Variants in NRXN3 observed in about 807,000 individuals in gnomAD.
NRXN3 encodes the protein neurexin III.
In NRXN3, 32 loss-of-function variants were observed where a neutral mutation model predicts 137.6. That is an observed-to-expected ratio of 0.23 (90% CI 0.18 to 0.31). The LOEUF is 0.31. NRXN3 is among the 10% of genes least tolerant of loss of function. The pLI is 1.00. For synonymous variants in NRXN3, 798 were observed against 784.5 expected (o/e 1.02, Z -0.29); for missense variants, 1,574 against 2,062.5 (o/e 0.76, Z 4.59).
At chr14:78,439,154 G>A (rs1395590884) in intron 4 of NRXN3, among the ~76,000 whole-genome samples, 1 of 152,016 alleles carries the variant, frequency 6.6e-6, no homozygotes, top group African/African-American at 2.4e-5. Context: ...TGGGGTAGAA[G>A]GATCTGAAGA....
intron 15 of NRXN3, among the ~76,000 whole-genome samples, chr14:79,208,436 T>A (rs1330758417): frequency 6.6e-6 from 1 of 152,190 alleles, no homozygotes; most frequent in Non-Finnish European, 1.5e-5. Flanking sequence ...ACAAATAACA[T>A]CTCACACTAA....
At chr14:78,233,688 C>CAAAAAAAA (rs10673907) in intron 1 of NRXN3, among the ~76,000 whole-genome samples, 1 of 117,618 alleles carries the variant, frequency 8.5e-6, no homozygotes, top group Non-Finnish European at 1.8e-5. Flanking sequence ...AAGTATGCTT[C>CAAAAAAAA]AAAAAAAAAA....
intron 15 of NRXN3, among the ~76,000 whole-genome samples, chr14:79,387,811 G>T (rs553786996): frequency 6.6e-6 from 1 of 151,918 alleles, no homozygotes; most frequent in Non-Finnish European, 1.5e-5. Context: ...GTAGCGACAT[G>T]GATGAAGCTG....
chr14:79,824,471 T>C (rs2099285731), intron 20 of NRXN3, among the ~76,000 whole-genome samples: 1 of 152,176 alleles, frequency 6.6e-6, no homozygotes, highest in Admixed American at 6.5e-5. Context: ...TCAGCAGATG[T>C]TGTTTTCCAT....
intron 15 of NRXN3, among the ~76,000 whole-genome samples, chr14:79,421,376 G>T (rs1343597984): frequency 6.6e-6 from 1 of 152,096 alleles, no homozygotes; most frequent in African/African-American, 2.4e-5. Context: ...TAAATGTGCT[G>T]ATTTAACTAA....
intron 16 of NRXN3, among the ~76,000 whole-genome samples, chr14:79,631,631 C>G (rs221484): frequency 6.6e-6 from 1 of 152,024 alleles, no homozygotes; most frequent in African/African-American, 2.4e-5. Context: ...GTGAGTGCCA[C>G]TGAGAGGTGA....
intron 2 of NRXN3, among the ~76,000 whole-genome samples, chr14:78,263,584 C>T (rs952175042): frequency 8.6e-5 from 13 of 152,038 alleles, no homozygotes; most frequent in Non-Finnish European, 5.9e-5. Flanking sequence ...TTTTTCAATT[C>T]AGTTTTATCT....
At chr14:79,577,702 G>A (rs1223737611) in intron 16 of NRXN3, among the ~76,000 whole-genome samples, 2 of 152,188 alleles carry the variant, frequency 1.3e-5, no homozygotes, top group Middle Eastern at 6.3e-3. Context: ...TGTGTCTTCA[G>A]ATACTAAATG....
chr14:79,462,186 C>T (rs1162965147), intron 15 of NRXN3, among the ~76,000 whole-genome samples: 1 of 151,814 alleles, frequency 6.6e-6, no homozygotes, highest in Non-Finnish European at 1.5e-5. Flanking sequence ...CCAGCCTGAC[C>T]AACATGGTGA....
At chr14:79,255,463 T>C (rs182620327) in intron 15 of NRXN3, among the ~76,000 whole-genome samples, 1 of 152,362 alleles carries the variant, frequency 6.6e-6, no homozygotes, top group Admixed American at 6.5e-5. Flanking sequence ...AATCCTACCA[T>C]TTAATCCCTG....
rs551606553 is a variant in NRXN3 at position 79,193,484 on chromosome 14, T to G, written c.3262+205343T>G. ...AGATTATATTGCTGTTGCATTAATC[T>G]TTGTATAAATCATAGTTCTAAGCAC... On this transcript the variant is annotated intron_variant, in intron 15 of 20. Transcript: ENST00000335750. Among the ~76,000 whole-genome samples the G allele has an allele frequency of 1.5e-4, 23 of 152,368 alleles. No homozygotes were observed. The South Asian group carries it at 2.9e-3, about 19-fold the overall frequency.
chr14:78,438,927 C>T (rs929017234), intron 4 of NRXN3, among the ~76,000 whole-genome samples: 6 of 151,746 alleles, frequency 4.0e-5, no homozygotes, highest in East Asian at 1.9e-4. Context: ...ACAAGCTGGA[C>T]GTGCTTGGTG....
chr14:78,776,027 G>T (rs1158915375), intron 8 of NRXN3, among the ~76,000 whole-genome samples: 1 of 152,118 alleles, frequency 6.6e-6, no homozygotes, highest in Non-Finnish European at 1.5e-5. Flanking sequence ...GATTCACCAA[G>T]AACCAATGTT....
intron 19 of NRXN3, among the ~76,000 whole-genome samples, chr14:79,756,387 G>A (rs187971525): frequency 1.2e-4 from 18 of 152,238 alleles, no homozygotes; most frequent in East Asian, 1.9e-4. Context: ...GCTCTGAAGC[G>A]TGATTATTTT....
At chr14:79,592,454 A>T (rs1201024024) in intron 16 of NRXN3, among the ~76,000 whole-genome samples, 3 of 152,170 alleles carry the variant, frequency 2.0e-5, no homozygotes, top group Non-Finnish European at 2.9e-5. Context: ...AATGTTTTTT[A>T]AAATAATGAA....
At chr14:78,993,183 G>C (rs2099522410) in intron 15 of NRXN3, among the ~76,000 whole-genome samples, 1 of 152,098 alleles carries the variant, frequency 6.6e-6, no homozygotes, top group African/African-American at 2.4e-5. Flanking sequence ...TTGGCCTTTT[G>C]CTTTTTATTT....
chr14:79,354,877 T>C (rs1047424620), intron 15 of NRXN3, among the ~76,000 whole-genome samples: 1 of 152,172 alleles, frequency 6.6e-6, no homozygotes, highest in Non-Finnish European at 1.5e-5. Flanking sequence ...CTAAAGTAGA[T>C]GCTGACATAT....
At chr14:79,228,145 T>G (rs1228481698) in intron 15 of NRXN3, among the ~76,000 whole-genome samples, 1 of 152,104 alleles carries the variant, frequency 6.6e-6, no homozygotes, top group African/African-American at 2.4e-5. Context: ...TTAATGGAAC[T>G]GATGTTAGTG....
At chr14:79,701,692 C>T (rs111807035) in intron 19 of NRXN3, among the ~76,000 whole-genome samples, 1 of 152,016 alleles carries the variant, frequency 6.6e-6, no homozygotes, top group Non-Finnish European at 1.5e-5. Flanking sequence ...TTAGTCTAAA[C>T]AGTCACAGAG....
Sources: gnomAD v4.1 joint callset for allele counts (sites outside exome capture counted in the v4.1 genomes callset) on GRCh38, gnomAD v4.1.1 for gene constraint, MANE v1.5 for transcripts, NCBI Gene and HGNC (gene_info 2026-07-23, HGNC 2026-07-21) for gene names.